LARS1: variants seen among roughly 807,000 people sequenced by gnomAD.
The protein encoded by LARS1 is leucyl-tRNA synthetase 1.
Under a neutral mutation model 162.8 loss-of-function variants are expected in LARS1, and 100 were observed. The observed-to-expected ratio is 0.61, with a 90% confidence interval of 0.52 to 0.73. LARS1 has a LOEUF of 0.73. Among genes scored for constraint, LARS1 ranks in the 30% least tolerant of loss-of-function variants. The pLI is 0.00. For synonymous variants in LARS1, 457 were observed against 462.8 expected, an observed-to-expected ratio of 0.99 and a Z score of 0.16; for missense variants, 1,258 against 1,408.9, an observed-to-expected ratio of 0.89 and a Z score of 1.71.
intron 31 of LARS1, among the ~76,000 whole-genome samples, chr5:146,115,962 G>A (rs1462712012): frequency 1.3e-5 from 2 of 152,116 alleles, no homozygotes; most frequent in Non-Finnish European, 2.9e-5. Context: ...TGCAGCTGGC[G>A]GCCATGCCAA....
intron 13 of LARS1, among the ~76,000 whole-genome samples, chr5:146,152,667 T>G (rs770988924): frequency 1.3e-5 from 2 of 152,240 alleles, no homozygotes; most frequent in Non-Finnish European, 2.9e-5. Flanking sequence ...GGCCTGCTGA[T>G]GTAAACAACT....
At chr5:146,177,057 T>G (rs1367189399) in intron 2 of LARS1, among the ~76,000 whole-genome samples, 2 of 152,136 alleles carry the variant, frequency 1.3e-5, no homozygotes, top group African/African-American at 4.8e-5. Context: ...AGATCCTAAT[T>G]CATATGCAGA....
intron 30 of LARS1, among the ~76,000 whole-genome samples, chr5:146,121,046 C>T (rs561287609): frequency 3.3e-5 from 5 of 152,096 alleles, no homozygotes; most frequent in Non-Finnish European, 7.4e-5. Flanking sequence ...GACTTAAATA[C>T]ATAGTATCTT....
intron 10 of LARS1, among the ~76,000 whole-genome samples, chr5:146,155,842 G>C (rs987104082): frequency 6.6e-6 from 1 of 152,188 alleles, no homozygotes; most frequent in Non-Finnish European, 1.5e-5. Context: ...GAACTTCTCA[G>C]ACAAAATTCC....
intron 7 of LARS1, among the ~76,000 whole-genome samples, chr5:146,159,834 A>G (rs1248637172): frequency 1.3e-5 from 2 of 152,088 alleles, no homozygotes; most frequent in Non-Finnish European, 2.9e-5. Context: ...TCCTTGATTA[A>G]TCTACATAAT....
In LARS1 at chr5:146,121,229, T is replaced by C. The variant is rs184811590; in HGVS notation, c.3193-726A>G. ...GGAGGTATCCATAATCACGATTTCCTTATTCTTTCAAAATAGGCCTTTTCT... is the reference window on the plus strand; with the variant it reads ...GGAGGTATCCATAATCACGATTTCCCTATTCTTTCAAAATAGGCCTTTTCT... On this transcript the variant is annotated intron_variant, in intron 30 of 31. Transcript: ENST00000394434. 2.4e-3 allele frequency among the ~76,000 whole-genome samples: 371 copies of C among 152,246 alleles called. 4 individuals carry two copies. Among genetic ancestry groups the C allele is most frequent in the African/African-American group, 8.6e-3 (358 of 41,552 alleles).
chr5:146,179,983 T>A (rs1754762636), intron 1 of LARS1, among the ~76,000 whole-genome samples: 2 of 152,238 alleles, frequency 1.3e-5, no homozygotes, highest in South Asian at 4.1e-4. Flanking sequence ...CTTAAGACAT[T>A]TATGCAGTTG....
chr5:146,159,280 A>G lies in LARS1; in HGVS notation c.771+127T>C, dbSNP rs1050583092. 7.9e-6 allele frequency: 5 copies of G among 636,268 alleles called. No homozygotes were observed. In the African/African-American group the frequency reaches 9.3e-5, roughly 12 times the overall value. The allele number at this position is 636,268 out of a possible 1,614,324, so 39.4% of individuals were successfully genotyped here. A position where few individuals can be genotyped will look rare whatever the true frequency, so the allele number is the denominator to read the frequency against. On this transcript the variant is annotated intron_variant, in intron 8 of 31. Coordinates refer to ENST00000394434, the MANE Select transcript of LARS1 (RefSeq NM_020117.11). ...TATTGATATTCTATCTCCTCTTCAT[A>G]TCCACCAGAGTATCAGGACTACATC...
intron 21 of LARS1, among the ~76,000 whole-genome samples, chr5:146,139,361 GAAAAAGAAAAA>G (rs1752659571): frequency 1.1e-5 from 1 of 89,942 alleles, no homozygotes; most frequent in Non-Finnish European, 2.5e-5. Flanking sequence ...AAAAAAAAAA[GAAAAAGAAAAA>G]AAAAGGAAAA....
At chr5:146,117,906 G>T (rs1751629965) in intron 31 of LARS1, among the ~76,000 whole-genome samples, 1 of 152,154 alleles carries the variant, frequency 6.6e-6, no homozygotes, top group Non-Finnish European at 1.5e-5. Context: ...AGAACAGTGT[G>T]GTGCGAATGT....
chr5:146,134,972 A>C (rs555282831), intron 22 of LARS1, among the ~76,000 whole-genome samples: 1 of 152,270 alleles, frequency 6.6e-6, no homozygotes, highest in Admixed American at 6.5e-5. Flanking sequence ...GGAATACCAA[A>C]TACAGAGGAA....
At chr5:146,179,083 T>A (rs1396090347) in intron 1 of LARS1, among the ~76,000 whole-genome samples, 1 of 151,952 alleles carries the variant, frequency 6.6e-6, no homozygotes, top group Admixed American at 6.6e-5. Flanking sequence ...AATACAAAAA[T>A]TAGCCGGATG....
intron 20 of LARS1, among the ~76,000 whole-genome samples, chr5:146,141,189 C>A (rs1752762757): frequency 6.6e-6 from 1 of 152,186 alleles, no homozygotes; most frequent in African/African-American, 2.4e-5. Flanking sequence ...TGGAGCCAAT[C>A]TCTCTGGGTT....
At chr5:146,123,924 G>A in intron 29 of LARS1, 58 bp downstream of exon 29, 1 of 824,730 alleles carries the variant, frequency 1.2e-6, no homozygotes, top group Non-Finnish European at 1.9e-6. Context: ...TAAAATAAAA[G>A]AGCTGGATTA....
chr5:146,160,539 TTAAA>T, intron 6 of LARS1, 53 bp from the exon 7 acceptor site: 1 of 930,946 alleles, frequency 1.1e-6, no homozygotes, highest in Non-Finnish European at 1.6e-6. Flanking sequence ...CAAATTTTGT[TTAAA>T]TAAGAATTCC....
chr5:146,153,726 A>G lies in LARS1; in HGVS notation c.1230+8T>C, dbSNP rs1753398339. 6.2e-7 allele frequency: 1 copy of G among 1,610,202 alleles called. No homozygotes were observed. On this transcript the variant is annotated splice_region_variant and intron_variant, in intron 12 of 31. Coordinates refer to ENST00000394434, the MANE Select transcript of LARS1 (RefSeq NM_020117.11). ...GACGAAATACAAACATGAAACTCAGATACTTACTTGCTTTTTCTTCAAGTC... is the reference window on the plus strand; with the variant it reads ...GACGAAATACAAACATGAAACTCAGGTACTTACTTGCTTTTTCTTCAAGTC...
chr5:146,131,371 A>G, intron 23 of LARS1: 1 of 259,460 alleles, frequency 3.9e-6, no homozygotes, highest in Non-Finnish European at 7.2e-6. Context: ...GACACTGCTT[A>G]GGGCTCCTGT....
intron 23 of LARS1, chr5:146,132,684 T>C (rs568630828): frequency 7.0e-5 from 29 of 412,208 alleles, no homozygotes; most frequent in Non-Finnish European, 6.8e-5. Context: ...ATAATATCTG[T>C]ATTAAATAAG....
intron 21 of LARS1, chr5:146,138,424 G>GAA (rs747873467): frequency 3.0e-5 from 4 of 131,606 alleles, no homozygotes; most frequent in Non-Finnish European, 4.9e-5. Context: ...TGTTAAAAAG[G>GAA]AAAAAAAAAA....
Sources: gnomAD v4.1 joint callset for allele counts (sites outside exome capture counted in the v4.1 genomes callset) on GRCh38, gnomAD v4.1.1 for gene constraint, MANE v1.5 for transcripts, NCBI Gene and HGNC (gene_info 2026-07-23, HGNC 2026-07-21) for gene names.